ADGRL3: variants seen among roughly 807,000 people sequenced by gnomAD.
The protein encoded by ADGRL3 is adhesion G protein-coupled receptor L3.
In ADGRL3, 62 loss-of-function variants were observed where a neutral mutation model predicts 153.5. The observed-to-expected ratio is 0.40, with a 90% CI of 0.33 to 0.50. ADGRL3 has a LOEUF of 0.50. ADGRL3 is among the 20% of genes least tolerant of loss of function. ADGRL3 has a pLI of 0.47. For synonymous variants in ADGRL3, 710 were observed against 672.5 expected, an observed-to-expected ratio of 1.06 and a Z score of -0.86; for missense variants, 1,641 against 1,859.4, an observed-to-expected ratio of 0.88 and a Z score of 2.16.
At chr4:61,536,553 G>A (rs1389541634) in intron 4 of ADGRL3, among the ~76,000 whole-genome samples, 2 of 151,898 alleles carry the variant, frequency 1.3e-5, no homozygotes, top group Non-Finnish European at 2.9e-5. Flanking sequence ...TATAAATCTG[G>A]GTGCTCTGGT....
At chr4:61,231,410 G>A (rs1750588819) in intron 1 of ADGRL3, among the ~76,000 whole-genome samples, 1 of 152,096 alleles carries the variant, frequency 6.6e-6, no homozygotes, top group Non-Finnish European at 1.5e-5. Flanking sequence ...TGATTCCCAA[G>A]GGAATTAATT....
At chr4:61,648,511 T>C (rs1221188001) in intron 5 of ADGRL3, among the ~76,000 whole-genome samples, 1 of 138,746 alleles carries the variant, frequency 7.2e-6, no homozygotes, top group Admixed American at 7.2e-5. Context: ...TAATTTGCAT[T>C]AGGAATTTTT....
chr4:61,561,946 A>C (rs567610979), intron 4 of ADGRL3, among the ~76,000 whole-genome samples: 1 of 152,084 alleles, frequency 6.6e-6, no homozygotes, highest in African/African-American at 2.4e-5. Context: ...AGCTAAAATT[A>C]TTTTTAGCTG....
At chr4:61,264,942 G>A (rs1161805382) in intron 1 of ADGRL3, among the ~76,000 whole-genome samples, 1 of 151,940 alleles carries the variant, frequency 6.6e-6, no homozygotes, top group Non-Finnish European at 1.5e-5. Context: ...GTCAGTAAAA[G>A]GCATCTTGTG....
At chr4:61,470,827 AT>A (rs112961565) in intron 2 of ADGRL3, among the ~76,000 whole-genome samples, 12 of 151,836 alleles carry the variant, frequency 7.9e-5, no homozygotes, top group African/African-American at 2.2e-4. Flanking sequence ...GTTTTGAAAG[AT>A]TTTTTTCATT....
chr4:61,394,085 G>C (rs575629395), intron 2 of ADGRL3, among the ~76,000 whole-genome samples: 1 of 152,176 alleles, frequency 6.6e-6, no homozygotes, highest in Non-Finnish European at 1.5e-5. Flanking sequence ...GTGGAGAACA[G>C]AGAATGGTCA....
intron 1 of ADGRL3, among the ~76,000 whole-genome samples, chr4:61,310,621 C>A (rs1016827848): frequency 6.6e-6 from 1 of 152,044 alleles, no homozygotes; most frequent in Non-Finnish European, 1.5e-5. Flanking sequence ...AAGATCAAAT[C>A]CAAAATCCTT....
chr4:61,351,849 C>T (rs1458708242), intron 1 of ADGRL3, among the ~76,000 whole-genome samples: 4 of 152,152 alleles, frequency 2.6e-5, no homozygotes, highest in Non-Finnish European at 5.9e-5. Context: ...TAAGAAGATT[C>T]ATCTTGTTTT....
chr4:61,234,255 C>A (rs1450878574), intron 1 of ADGRL3, among the ~76,000 whole-genome samples: 1 of 151,906 alleles, frequency 6.6e-6, no homozygotes, highest in African/African-American at 2.4e-5. Flanking sequence ...TGGCGGGAGG[C>A]AAAAGGCACA....
intron 8 of ADGRL3, among the ~76,000 whole-genome samples, chr4:61,807,300 T>G (rs1003263217): frequency 2.6e-4 from 39 of 149,776 alleles, no homozygotes; most frequent in African/African-American, 9.4e-4. Context: ...TTTTGCTCAA[T>G]CTTTGCAAAA....
At chr4:61,583,653 A>G (rs1034792499) in intron 4 of ADGRL3, 1 of 518,022 alleles carries the variant, frequency 1.9e-6, no homozygotes, top group Non-Finnish European at 3.9e-6. Context: ...TTTATCAGAG[A>G]TGTTTAATTA....
chr4:61,214,659 G>T (rs952326111), intron 1 of ADGRL3, among the ~76,000 whole-genome samples: 5 of 152,064 alleles, frequency 3.3e-5, no homozygotes, highest in Admixed American at 1.3e-4. Flanking sequence ...GTACAGGCTG[G>T]ATGCTGTGGC....
At chr4:61,339,801 G>A (rs1252038594) in intron 1 of ADGRL3, among the ~76,000 whole-genome samples, 1 of 152,124 alleles carries the variant, frequency 6.6e-6, no homozygotes, top group Non-Finnish European at 1.5e-5. Context: ...GTTCTACATG[G>A]TGATGGAGCC....
chr4:61,463,863 A>G (rs963852702), intron 2 of ADGRL3, among the ~76,000 whole-genome samples: 1 of 152,148 alleles, frequency 6.6e-6, no homozygotes, highest in Non-Finnish European at 1.5e-5. Flanking sequence ...CACAACATAC[A>G]CAGTGAATGG....
chr4:61,865,094 T>C (rs570331728), intron 9 of ADGRL3, among the ~76,000 whole-genome samples: 1 of 152,270 alleles, frequency 6.6e-6, no homozygotes, highest in East Asian at 1.9e-4. Flanking sequence ...CAGAATGAGA[T>C]TGGTTTACAC....
chr4:61,605,113 A>AAG (rs1429942767), intron 5 of ADGRL3, among the ~76,000 whole-genome samples: 1 of 139,124 alleles, frequency 7.2e-6, no homozygotes, highest in Non-Finnish European at 1.6e-5. Context: ...AAAAAAAAAA[A>AAG]AGAGAAGGAA....
intron 4 of ADGRL3, among the ~76,000 whole-genome samples, chr4:61,576,226 A>T (rs186266707): frequency 6.6e-6 from 1 of 152,006 alleles, no homozygotes; most frequent in Non-Finnish European, 1.5e-5. Flanking sequence ...GAGAGGTGAC[A>T]GTTTCTTTCT....
intron 19 of ADGRL3, among the ~76,000 whole-genome samples, chr4:61,984,150 T>C (rs1040787053): frequency 6.6e-6 from 1 of 152,200 alleles, no homozygotes; most frequent in African/African-American, 2.4e-5. Context: ...ATGTGAAGCA[T>C]ATTAGCATGG....
At chr4:61,585,019 A>T (rs1411195499) in intron 4 of ADGRL3, among the ~76,000 whole-genome samples, 1 of 152,022 alleles carries the variant, frequency 6.6e-6, no homozygotes, top group African/African-American at 2.4e-5. Flanking sequence ...TTGTGAGAGT[A>T]CCTTGCTAAG....
Sources: gnomAD v4.1 joint callset for allele counts (sites outside exome capture counted in the v4.1 genomes callset) on GRCh38, gnomAD v4.1.1 for gene constraint, MANE v1.5 for transcripts, NCBI Gene and HGNC (gene_info 2026-07-23, HGNC 2026-07-21) for gene names.